Variants in ANKRD16 observed in about 807,000 individuals in gnomAD.
ANKRD16 encodes ankyrin repeat domain-containing protein 16.
ANKRD16 carries 35 observed loss-of-function variants against 37.9 expected under a neutral mutation model. The observed-to-expected ratio is 0.92, with a 90% CI of 0.71 to 1.23. ANKRD16 has a LOEUF of 1.23. Among genes scored for constraint, ANKRD16 ranks in the 50% most tolerant of loss-of-function variants. The pLI, the probability that ANKRD16 is intolerant of heterozygous loss-of-function variation, is 0.00. For synonymous variants in ANKRD16, 206 were observed against 197.2 expected (o/e 1.04, Z -0.37); for missense variants, 480 against 469.9 (o/e 1.02, Z -0.20).
In ANKRD16 at chr10:5,884,332, C is replaced by A. The variant is rs1842376875; in HGVS notation, c.579-255G>T. 2.0e-5 allele frequency among the ~76,000 whole-genome samples: 3 copies of A among 152,358 alleles called. No homozygotes were observed. The South Asian group carries it at 6.2e-4, about 32-fold the overall frequency. On this transcript the variant is annotated intron_variant, in intron 3 of 7. Coordinates refer to ENST00000380094, the MANE Select transcript of ANKRD16 (RefSeq NM_019046.3). The stretch of plus-strand genomic sequence containing the variant: ...GACAGCACTTGGTCTCTTCAGCTTC[C>A]TGCACCAGAGACCTGGAAGCCACCC...
intron 3 of ANKRD16, 114 bp from the exon 4 acceptor site, chr10:5,884,191 A>C: frequency 1.4e-6 from 1 of 736,684 alleles, no homozygotes; most frequent in Admixed American, 2.3e-5. Flanking sequence ...ACCTGTGAGC[A>C]TGGAGCTCTC....
At position 5,862,605 on chromosome 10, in the gene ANKRD16, T is replaced by A; in HGVS notation, c.*120A>T. ...GTCAAACGTAGGTGGCTGCGGTTGG[T>A]TGAACTCAGGTTCAGGATGACTGAA... On this transcript the variant is annotated 3_prime_UTR_variant, in exon 8 of 8. Transcript: ENST00000380094. The surrounding 1 kb of genome is among the most constrained non-coding windows in gnomAD (Gnocchi z 6.5). 1 of 1,289,014 alleles carries A rather than the reference T, an allele frequency of 7.8e-7. No individual in the cohort carries two copies. Among genetic ancestry groups the A allele is most frequent in the Non-Finnish European group, 1.0e-6 (1 of 988,858 alleles). The allele number at this position is 1,289,014 out of a possible 1,614,324, so 79.8% of individuals were successfully genotyped here.
At position 5,866,775 on chromosome 10, in the gene ANKRD16, A is replaced by T. The variant is rs1224689338; in HGVS notation, c.*34-4084T>A. Reference sequence around the variant, plus strand: ...ACCAGCAGAAAGGAAGGAGAGAAAGAGACAGACAGAGAGAAAGAGAGGAAG... The same window carrying T: ...ACCAGCAGAAAGGAAGGAGAGAAAGTGACAGACAGAGAGAAAGAGAGGAAG... On this transcript the variant is annotated intron_variant, in intron 7 of 7. Transcript: ENST00000380094. The surrounding 1 kb of genome is among the most constrained non-coding windows in gnomAD (Gnocchi z 4.3). Among the ~76,000 whole-genome samples the T allele has an allele frequency of 2.0e-5, 3 of 152,028 alleles. No homozygotes were observed. The highest frequency in any genetic ancestry group is 4.4e-5 in the Non-Finnish European group (3 of 68,014).
chr10:5,872,142 G>A (rs1480606807), intron 7 of ANKRD16, among the ~76,000 whole-genome samples: 4 of 151,024 alleles, frequency 2.6e-5, no homozygotes, highest in Admixed American at 6.7e-5. Flanking sequence ...CATGAAACAC[G>A]ACATTCACAA....
chr10:5,865,211 T>C lies in ANKRD16; in HGVS notation c.*34-2520A>G, dbSNP rs185870174. Reference sequence around the variant, plus strand: ...CTGGTAGGGCTTGTTACCAGTGTGGTTTGCAAGGACACCTTAAAAAAGACT... The same window carrying C: ...CTGGTAGGGCTTGTTACCAGTGTGGCTTGCAAGGACACCTTAAAAAAGACT... On this transcript the variant is annotated intron_variant, in intron 7 of 7. Coordinates refer to ENST00000380094, the MANE Select transcript of ANKRD16 (RefSeq NM_019046.3). This position sits in a 1 kb window ranked among gnomAD's most constrained non-coding sequence, Gnocchi z 4.7. 6.6e-6 allele frequency among the ~76,000 whole-genome samples: 1 copy of C among 152,262 alleles called. No individual in the cohort carries two copies. The highest frequency in any genetic ancestry group is 6.5e-5 in the Admixed American group (1 of 15,294).
chr10:5,884,968 A>G (rs6602312), intron 3 of ANKRD16, among the ~76,000 whole-genome samples: 1 of 151,798 alleles, frequency 6.6e-6, no homozygotes, highest in Non-Finnish European at 1.5e-5. Context: ...CAGCTTAAAC[A>G]CTGGCGCTGA....
At chr10:5,873,927 T>A (rs1188562450) in intron 7 of ANKRD16, among the ~76,000 whole-genome samples, 2 of 151,624 alleles carry the variant, frequency 1.3e-5, no homozygotes, top group East Asian at 3.9e-4. Context: ...GGCGTCTCGC[T>A]CTGTTGCCAG....
At chr10:5,885,336 A>G (rs1985072) in intron 3 of ANKRD16, among the ~76,000 whole-genome samples, 52,695 of 151,800 alleles carry the variant, frequency 0.35, 9,840 homozygotes, top group African/African-American at 0.42. Flanking sequence ...GCCCGCCACC[A>G]CGCCCGGCTA....
chr10:5,880,772 C>A (rs1554796624), intron 5 of ANKRD16, among the ~76,000 whole-genome samples: 2 of 152,138 alleles, frequency 1.3e-5, no homozygotes, highest in Non-Finnish European at 2.9e-5. Flanking sequence ...TGCTTAGGAA[C>A]AAAAGGAAAG....
At chr10:5,881,978 C>T (rs1000007378) in intron 5 of ANKRD16, among the ~76,000 whole-genome samples, 3 of 151,980 alleles carry the variant, frequency 2.0e-5, no homozygotes, top group South Asian at 2.1e-4. Flanking sequence ...TGAGCCACTG[C>T]GCCTGGCCGG....
In ANKRD16 at chr10:5,863,855, G is replaced by A. The variant is rs994614069; in HGVS notation, c.*34-1164C>T. On this transcript the variant is annotated intron_variant, in intron 7 of 7. Transcript: ENST00000380094. This position sits in a 1 kb window ranked among gnomAD's most constrained non-coding sequence, Gnocchi z 4.7. ...GTCCACGGCTTCATTGTTGAAGTCA[G>A]TGAGACCAAGAACGCACCAGAAGGA... Among the ~76,000 whole-genome samples, 2 of 152,148 alleles carry A rather than the reference G, an allele frequency of 1.3e-5. No homozygotes were observed. The highest frequency in any genetic ancestry group is 1.9e-4 in the East Asian group (1 of 5,192).
rs546881404 is a variant in ANKRD16 at position 5,866,149 on chromosome 10, C to G, written c.*34-3458G>C. On this transcript the variant is annotated intron_variant, in intron 7 of 7. Coordinates refer to ENST00000380094, the MANE Select transcript of ANKRD16 (RefSeq NM_019046.3). This position sits in a 1 kb window ranked among gnomAD's most constrained non-coding sequence, Gnocchi z 4.3. ...TTATGGCTATCAGACAACCGCCTAC[C>G]TAGATACCAGGCACTACTCCTTGAG... Among the ~76,000 whole-genome samples the G allele has an allele frequency of 1.3e-5, 2 of 152,292 alleles. No homozygotes were observed. The highest frequency in any genetic ancestry group is 4.1e-4 in the South Asian group (2 of 4,826).
Position 5,889,236 on chromosome 10 carries a change from A to T in ANKRD16, c.119T>A (p.Leu40His). The change falls in exon 1 of 8, where the codon CTC becomes CAC. Residue 40 changes from leucine to histidine, a missense_variant. Coordinates refer to ENST00000380094, the MANE Select transcript of ANKRD16 (RefSeq NM_019046.3). ...GGCPGPAGDT[L>H]LHCAARHGHR... ...CCCGTGGCGCGCGGCGCAGTGCAGG[A>T]GGGTATCCCCGGCCGGCCCCGGGCA... 1 of 1,555,256 alleles carries T rather than the reference A, an allele frequency of 6.4e-7. No homozygotes were observed. Among genetic ancestry groups the T allele is most frequent in the Non-Finnish European group, 8.6e-7 (1 of 1,160,156 alleles).
intron 1 of ANKRD16, among the ~76,000 whole-genome samples, chr10:5,888,597 C>T (rs1049227139): frequency 4.6e-5 from 7 of 152,200 alleles, no homozygotes; most frequent in Admixed American, 3.9e-4. Context: ...GATACAACTG[C>T]ACTGTGCTCT....
intron 1 of ANKRD16, 98 bp from the exon 2 acceptor site, chr10:5,888,165 A>G (rs1229659977): frequency 8.7e-7 from 1 of 1,154,196 alleles, no homozygotes; most frequent in Non-Finnish European, 1.3e-6. Context: ...GCACAGATGG[A>G]AAACCTAGAG....
At chr10:5,872,455 G>C (rs1273586311) in intron 7 of ANKRD16, among the ~76,000 whole-genome samples, 2 of 152,042 alleles carry the variant, frequency 1.3e-5, no homozygotes, top group East Asian at 3.8e-4. Context: ...CCCCGGCCTG[G>C]GTGACACAGC....
At position 5,874,797 on chromosome 10, in the gene ANKRD16, C is replaced by T. The variant is rs1030421225; in HGVS notation, c.*33+3300G>A. On this transcript the variant is annotated intron_variant, in intron 7 of 7. Coordinates refer to ENST00000380094, the MANE Select transcript of ANKRD16 (RefSeq NM_019046.3). The surrounding 1 kb of genome is among the most constrained non-coding windows in gnomAD (Gnocchi z 4.7). ...CTGACATTAGGGTGTAGCTGAAACC[C>T]GAGGCATGGACGACAACGCTTCAGG... Among the ~76,000 whole-genome samples the T allele has an allele frequency of 2.0e-5, 3 of 152,040 alleles. No individual in the cohort carries two copies. The highest frequency in any genetic ancestry group is 6.6e-5 in the Admixed American group (1 of 15,264).
At chr10:5,887,001 G>A (rs979846893) in intron 2 of ANKRD16, among the ~76,000 whole-genome samples, 1 of 152,158 alleles carries the variant, frequency 6.6e-6, no homozygotes, top group Admixed American at 6.5e-5. Flanking sequence ...AAGGCTATGA[G>A]GATATATATT....
At chr10:5,887,809 A>T (rs1383663370) in intron 2 of ANKRD16, 38 bp downstream of exon 2, 1 of 1,563,266 alleles carries the variant, frequency 6.4e-7, no homozygotes, top group Admixed American at 1.7e-5. Flanking sequence ...AAGCAGCCAC[A>T]TGTGTGTACT....
Sources: allele counts gnomAD v4.1 joint callset (sites outside exome capture counted in the v4.1 genomes callset), GRCh38; gene constraint gnomAD v4.1.1; non-coding constraint Gnocchi (gnomAD v3.1); transcripts MANE v1.5; gene names NCBI Gene and HGNC (gene_info 2026-07-23, HGNC 2026-07-21).